The following MYBL1 variants were observed in gnomAD, a reference collection of about 807,000 sequenced individuals.
MYBL1 encodes MYB proto-oncogene like 1, also known as myb-related protein A.
In MYBL1, 17 loss-of-function variants were observed where a neutral mutation model predicts 96.3. The ratio of observed to expected loss-of-function variants is 0.18; its 90% CI spans 0.12 to 0.26. MYBL1 has a LOEUF of 0.26. Ranked by LOEUF, MYBL1 falls within the 10% of genes least tolerant of loss-of-function variation. The probability of loss-of-function intolerance (pLI) is 1.00; values close to 1 mark genes in which losing one functional copy is unlikely to be tolerated. For missense variants in MYBL1, 701 were observed against 882.9 expected, an observed-to-expected ratio of 0.79 and a Z score of 2.61; for synonymous variants, 282 against 292.7, an observed-to-expected ratio of 0.96 and a Z score of 0.37.
chr8:66,598,316 C>T (rs1809931122), intron 4 of MYBL1, among the ~76,000 whole-genome samples: 1 of 152,136 alleles, frequency 6.6e-6, no homozygotes, highest in South Asian at 2.1e-4. Context: ...CTAATCCCAG[C>T]ATTTTGAGTG....
At chr8:66,610,410 T>G (rs966419526) in intron 1 of MYBL1, among the ~76,000 whole-genome samples, 1 of 150,368 alleles carries the variant, frequency 6.7e-6, no homozygotes, top group Non-Finnish European at 1.5e-5. Flanking sequence ...TTTTTTGGGT[T>G]TTTTTTTTTC....
At chr8:66,568,471 T>C (rs967773490) in intron 12 of MYBL1, among the ~76,000 whole-genome samples, 16 of 152,016 alleles carry the variant, frequency 1.1e-4, no homozygotes, top group African/African-American at 3.1e-4. Flanking sequence ...GCTAATTTTT[T>C]GTATTTTTAC....
chr8:66,580,627 C>T (rs990228786), intron 8 of MYBL1, among the ~76,000 whole-genome samples: 4 of 152,150 alleles, frequency 2.6e-5, no homozygotes, highest in Non-Finnish European at 5.9e-5. Flanking sequence ...AATCTGGCTA[C>T]TCCCTTCCTT....
chr8:66,603,871 G>T (rs990662018), intron 1 of MYBL1, among the ~76,000 whole-genome samples: 6 of 151,634 alleles, frequency 4.0e-5, no homozygotes, highest in African/African-American at 1.5e-4. Context: ...TTAGGGAGAT[G>T]TCCATTCTCC....
Position 66,595,662 on chromosome 8 carries a change from G to A in MYBL1, c.608C>T (p.Ser203Phe), listed in dbSNP as rs771936220. 21 of 1,586,700 alleles carry A rather than the reference G, an allele frequency of 1.3e-5. No individual in the cohort carries two copies. In the South Asian group the frequency reaches 2.3e-4, roughly 17 times the overall value. ...AGGTTTGTGTTGAAGTTTAGATGAA[G>A]ATCGTTCTGATTTTATTCCATCTTG... ...YLQDGIKSER[S>F]SSKLQHKPCA... Residue 203 changes from serine to phenylalanine, a missense_variant, in exon 6 of 16, where the codon TCT becomes TTT. Around this residue, in one of 5 missense-constraint regions of MYBL1, gnomAD observed 396 missense variants for 407.4 expected, o/e 0.97. Transcript: ENST00000522677.
intron 1 of MYBL1, among the ~76,000 whole-genome samples, chr8:66,609,897 TC>T (rs1452629504): frequency 1.3e-5 from 2 of 151,958 alleles, no homozygotes; most frequent in Non-Finnish European, 2.9e-5. Context: ...AAAGATCAGT[TC>T]TCATATTTCA....
intron 8 of MYBL1, among the ~76,000 whole-genome samples, chr8:66,581,541 G>T (rs1421553620): frequency 6.6e-6 from 1 of 152,078 alleles, no homozygotes; most frequent in Non-Finnish European, 1.5e-5. Context: ...GCTGGGCATG[G>T]TACCATGCGC....
intron 8 of MYBL1, among the ~76,000 whole-genome samples, chr8:66,587,453 C>A (rs1279133905): frequency 6.6e-6 from 1 of 152,002 alleles, no homozygotes; most frequent in Non-Finnish European, 1.5e-5. Context: ...AACCTGAAGT[C>A]AGAGACTATG....
At chr8:66,596,838 C>T (rs1402590858) in intron 5 of MYBL1, among the ~76,000 whole-genome samples, 1 of 152,088 alleles carries the variant, frequency 6.6e-6, no homozygotes, top group Admixed American at 6.5e-5. Context: ...GTATTTTAGC[C>T]ACATGAATAT....
chr8:66,582,674 C>A, intron 8 of MYBL1, among the ~76,000 whole-genome samples: 1 of 143,086 alleles, frequency 7.0e-6, no homozygotes, highest in African/African-American at 2.6e-5. Flanking sequence ...GCCAAGATCA[C>A]AGCACTGTAT....
intron 8 of MYBL1, among the ~76,000 whole-genome samples, chr8:66,582,541 C>CAAAAAAAA (rs34952299): frequency 2.1e-5 from 1 of 48,268 alleles, no homozygotes; most frequent in African/African-American, 8.1e-5. Context: ...TCCATCTCTA[C>CAAAAAAAA]AAAAAAAAAA....
intron 1 of MYBL1, among the ~76,000 whole-genome samples, chr8:66,607,168 A>G (rs1810351935): frequency 6.6e-6 from 1 of 152,168 alleles, no homozygotes; most frequent in South Asian, 2.1e-4. Context: ...GGCTTGATTA[A>G]ATATCTGATA....
At chr8:66,600,899 G>A (rs762153044) in intron 3 of MYBL1, among the ~76,000 whole-genome samples, 6 of 151,982 alleles carry the variant, frequency 3.9e-5, no homozygotes, top group African/African-American at 4.8e-5. Flanking sequence ...GACCAGGCGC[G>A]GTAACTCACG....
At chr8:66,568,456 G>A (rs1420606473) in intron 12 of MYBL1, among the ~76,000 whole-genome samples, 3 of 151,538 alleles carry the variant, frequency 2.0e-5, no homozygotes, top group African/African-American at 7.3e-5. Flanking sequence ...CTGCCACAAC[G>A]CCTGGCTAAT....
chr8:66,585,207 C>A (rs1402107807), intron 8 of MYBL1, among the ~76,000 whole-genome samples: 3 of 151,960 alleles, frequency 2.0e-5, no homozygotes, highest in African/African-American at 7.2e-5. Context: ...AATACATAAC[C>A]CAGAAATAAA....
At chr8:66,610,861 C>A (rs1000091248) in intron 1 of MYBL1, among the ~76,000 whole-genome samples, 1 of 151,992 alleles carries the variant, frequency 6.6e-6, no homozygotes, top group Non-Finnish European at 1.5e-5. Flanking sequence ...CTGTATACTC[C>A]CAGGGAGAGT....
chr8:66,587,512 CT>C (rs1809468468), intron 8 of MYBL1, among the ~76,000 whole-genome samples: 1 of 152,120 alleles, frequency 6.6e-6, no homozygotes, highest in Non-Finnish European at 1.5e-5. Context: ...ATTTACTTAT[CT>C]TGCAAGCCTA....
chr8:66,586,737 C>G (rs1245169440), intron 8 of MYBL1, among the ~76,000 whole-genome samples: 1 of 152,158 alleles, frequency 6.6e-6, no homozygotes, highest in African/African-American at 2.4e-5. Flanking sequence ...GCACTATTCA[C>G]AGATATGGAA....
At chr8:66,579,541 C>T (rs1371912352) in intron 9 of MYBL1, among the ~76,000 whole-genome samples, 1 of 151,814 alleles carries the variant, frequency 6.6e-6, no homozygotes, top group African/African-American at 2.4e-5. Flanking sequence ...CCTGTAATCC[C>T]AGCTACTCAG....
Sources: allele counts gnomAD v4.1 joint callset (sites outside exome capture counted in the v4.1 genomes callset), GRCh38; gene constraint gnomAD v4.1.1; regional missense constraint gnomAD v4.1.1; transcripts MANE v1.5; gene names NCBI Gene and HGNC (gene_info 2026-07-23, HGNC 2026-07-21).